Variants in DNAH11 observed in about 807,000 individuals in gnomAD.
DNAH11 encodes dynein axonemal heavy chain 11, also known as axonemal beta dynein heavy chain 11.
In DNAH11, 442 loss-of-function variants were observed where a neutral mutation model predicts 526.0. The ratio of observed to expected loss-of-function variants is 0.84; its 90% CI spans 0.78 to 0.91. The LOEUF (loss-of-function observed/expected upper bound fraction) is 0.91, where lower values mean the gene tolerates loss of function less well. DNAH11 is among the 40% of genes least tolerant of loss of function. The probability of loss-of-function intolerance (pLI) is 0.00; values close to 1 mark genes in which losing one functional copy is unlikely to be tolerated. For synonymous variants in DNAH11, 2,461 were observed against 1,935.9 expected, an observed-to-expected ratio of 1.27 and a Z score of -7.12; for missense variants, 6,989 against 5,448.7, an observed-to-expected ratio of 1.28 and a Z score of -8.90.
At chr7:21,615,810 C>G (rs1785747043) in intron 21 of DNAH11, among the ~76,000 whole-genome samples, 1 of 151,914 alleles carries the variant, frequency 6.6e-6, no homozygotes, top group South Asian at 2.1e-4. Flanking sequence ...AAAATATGGT[C>G]AAGAAATGGT....
rs1465546795 is a variant in DNAH11, at chr7:21,687,251, A to G, written c.5774A>G (p.Tyr1925Cys). Residue 1925 changes from tyrosine to cysteine, a missense_variant, in exon 33 of 82, where the codon TAC becomes TGC. Tyr to Cys is a radical substitution (Grantham distance 194, BLOSUM62 -2). Coordinates refer to ENST00000409508, the MANE Select transcript of DNAH11 (RefSeq NM_001277115.2). ...YVFNCSEQMD[Y>C]KSIGNIYKGL... ...TTCAACTGTTCAGAGCAAATGGACT[A>G]CAAAGTAAGTTAGTAAGAGAATAAT... is the stretch of plus-strand genomic sequence containing the variant. The G allele has an allele frequency of 1.9e-6, 3 of 1,578,816 alleles. No homozygotes were observed. The highest frequency in any genetic ancestry group is 2.2e-5 in the East Asian group (1 of 44,494).
At chr7:21,659,283 T>A (rs768967156) in intron 30 of DNAH11, among the ~76,000 whole-genome samples, 2 of 148,986 alleles carry the variant, frequency 1.3e-5, no homozygotes, top group African/African-American at 5.0e-5. Flanking sequence ...TACTAGATAC[T>A]GTACATGCTT....
In DNAH11 at chr7:21,591,473, C is replaced by T. The variant is rs1252556407; in HGVS notation, c.2563C>T (p.His855Tyr). The change falls in exon 14 of 82, where the codon CAC (histidine) becomes TAC (tyrosine). Residue 855 changes from histidine to tyrosine, a missense_variant. His to Tyr is a moderately conservative substitution (Grantham distance 83, BLOSUM62 2). Transcript: ENST00000409508. ...ARCVLPPRRE[H>Y]RREAAFTLED... ...GTGCGTGCTACCTCCCAGGAGAGAG[C>T]ACAGACGAGAGGCAGCCTTCACCTT... The T allele has an allele frequency of 4.3e-6, 7 of 1,613,626 alleles. No homozygotes were observed. Among genetic ancestry groups the T allele is most frequent in the South Asian group, 1.1e-5 (1 of 91,058 alleles).
chr7:21,732,397 C>T (rs1052081759), intron 45 of DNAH11, among the ~76,000 whole-genome samples: 2 of 152,142 alleles, frequency 1.3e-5, no homozygotes, highest in African/African-American at 2.4e-5. Context: ...CTTTAAAGCC[C>T]GTGTCTCCAA....
At chr7:21,656,007 A>T (rs772505716) in intron 29 of DNAH11, 26 bp downstream of exon 29, 3 of 1,552,108 alleles carry the variant, frequency 1.9e-6, no homozygotes, top group Non-Finnish European at 2.6e-6. Flanking sequence ...GAGGTTTTCT[A>T]TGCTAGGGGA....
At position 21,861,876 on chromosome 7, in the gene DNAH11, A is replaced by G. The variant is rs771542468; in HGVS notation, c.11226A>G (p.Arg3742=). 1 of 1,613,296 alleles carries G rather than the reference A, an allele frequency of 6.2e-7. No homozygotes were observed. Among genetic ancestry groups the G allele is most frequent in the Admixed American group, 1.7e-5 (1 of 59,928 alleles). The part of the protein sequence containing the change: ...SLKAFNVLFH[R]AIEQADKVED... ...AGGCTTTTAACGTGCTGTTCCACAG[A>G]GCGATCGAGCAGGCTGACAAGGTGG... Residue 3742 remains arginine (R), a synonymous_variant, in exon 69 of 82, where the codon AGA becomes AGG. Transcript: ENST00000409508.
At chr7:21,815,881 A>G (rs1368859497) in intron 63 of DNAH11, among the ~76,000 whole-genome samples, 1 of 151,858 alleles carries the variant, frequency 6.6e-6, no homozygotes, top group East Asian at 1.9e-4. Context: ...CCCCTCCCCA[A>G]CCCCTTACTT....
At chr7:21,846,493 C>G (rs1231578636) in intron 66 of DNAH11, among the ~76,000 whole-genome samples, 1 of 152,076 alleles carries the variant, frequency 6.6e-6, no homozygotes, top group South Asian at 2.1e-4. Flanking sequence ...CTACATTTTT[C>G]TTCTTTAGCT....
intron 42 of DNAH11, among the ~76,000 whole-genome samples, chr7:21,715,937 TC>T (rs1784647455): frequency 6.6e-6 from 1 of 151,422 alleles, no homozygotes; most frequent in Non-Finnish European, 1.5e-5. Flanking sequence ...CTGACTTTTT[TC>T]TGGAGCACCT....
intron 61 of DNAH11, among the ~76,000 whole-genome samples, chr7:21,798,592 C>T (rs1001397082): frequency 6.6e-6 from 1 of 152,192 alleles, no homozygotes; most frequent in African/African-American, 2.4e-5. Flanking sequence ...TGTTTTTTCA[C>T]TCACTTGCTA....
chr7:21,885,979 A>G (rs1390145709), intron 76 of DNAH11, among the ~76,000 whole-genome samples: 4 of 152,138 alleles, frequency 2.6e-5, no homozygotes, highest in African/African-American at 9.7e-5. Context: ...TGGTGGCTGT[A>G]GTTTTCTCAT....
intron 63 of DNAH11, among the ~76,000 whole-genome samples, chr7:21,814,345 A>ATTTTTTTTTTTTT (rs200898723): frequency 2.0e-5 from 2 of 100,608 alleles, no homozygotes; most frequent in Non-Finnish European, 3.9e-5. Flanking sequence ...TTATTTATTT[A>ATTTTTTTTTTTTT]TTTATTTTTT....
At chr7:21,726,730 G>A (rs182405066) in intron 45 of DNAH11, among the ~76,000 whole-genome samples, 28 of 149,620 alleles carry the variant, frequency 1.9e-4, no homozygotes, top group Admixed American at 6.6e-4. Context: ...GTGTGGTGGC[G>A]GGCGCCTGTA....
chr7:21,712,203 ATTG>A (rs1784489314), intron 42 of DNAH11, among the ~76,000 whole-genome samples: 2 of 152,184 alleles, frequency 1.3e-5, no homozygotes, highest in African/African-American at 4.8e-5. Context: ...GTAGCAGCAT[ATTG>A]TAGTATTTCC....
intron 35 of DNAH11, 108 bp from the exon 36 acceptor site, chr7:21,697,967 C>A: frequency 5.3e-6 from 6 of 1,141,398 alleles, no homozygotes; most frequent in South Asian, 1.8e-5. Context: ...TAATTATGAT[C>A]TGCTTAGGAA....
At chr7:21,715,066 G>T (rs547577152) in intron 42 of DNAH11, among the ~76,000 whole-genome samples, 1 of 152,296 alleles carries the variant, frequency 6.6e-6, no homozygotes, top group African/African-American at 2.4e-5. Context: ...TTACAAACAT[G>T]CAACTTCAGA....
intron 28 of DNAH11, among the ~76,000 whole-genome samples, chr7:21,645,427 C>T (rs770222219): frequency 8.5e-5 from 13 of 152,114 alleles, no homozygotes; most frequent in Non-Finnish European, 1.6e-4. Context: ...CCAGGGGCTA[C>T]GATAGCAGCA....
intron 1 of DNAH11, 143 bp downstream of exon 1, chr7:21,543,739 G>T: frequency 1.2e-6 from 1 of 810,176 alleles, no homozygotes; most frequent in Non-Finnish European, 1.9e-6. Flanking sequence ...CCTGAGGCCC[G>T]CAGGACTCCT....
chr7:21,554,219 G>A (rs1052153880), intron 2 of DNAH11, among the ~76,000 whole-genome samples: 3 of 146,206 alleles, frequency 2.1e-5, no homozygotes, highest in East Asian at 4.0e-4. Flanking sequence ...TGTTGCGCAA[G>A]CTGGAGTGCA....
Sources: allele counts gnomAD v4.1 joint callset (sites outside exome capture counted in the v4.1 genomes callset), GRCh38; gene constraint gnomAD v4.1.1; transcripts MANE v1.5; gene names NCBI Gene and HGNC (gene_info 2026-07-23, HGNC 2026-07-21).